COL22A1: variants seen among roughly 807,000 people sequenced by gnomAD.
COL22A1 encodes the protein collagen type XXII alpha 1 chain.
A neutral mutation model predicts 248.9 loss-of-function variants in COL22A1; 221 were observed. The observed-to-expected ratio is 0.89, with a 90% CI of 0.80 to 0.99. The LOEUF (loss-of-function observed/expected upper bound fraction) is 0.99, where lower values mean the gene tolerates loss of function less well. Among genes scored for constraint, COL22A1 ranks in the 50% least tolerant of loss-of-function variants. The pLI is 0.00. For missense variants in COL22A1, 2,240 were observed against 2,179.0 expected (o/e 1.03, Z -0.56); for synonymous variants, 891 against 793.4 (o/e 1.12, Z -2.07).
At chr8:138,858,299 G>A (rs1822193321) in intron 3 of COL22A1, among the ~76,000 whole-genome samples, 1 of 152,158 alleles carries the variant, frequency 6.6e-6, no homozygotes, top group Non-Finnish European at 1.5e-5. Context: ...GTTCAATATG[G>A]AGGACTTCCA....
At chr8:138,770,658 G>A (rs1834285130) in intron 16 of COL22A1, among the ~76,000 whole-genome samples, 1 of 152,226 alleles carries the variant, frequency 6.6e-6, no homozygotes, top group African/African-American at 2.4e-5. Flanking sequence ...AAATCAGAGA[G>A]GTTCCTGAGA....
intron 3 of COL22A1, among the ~76,000 whole-genome samples, chr8:138,845,883 A>G (rs1044518494): frequency 6.6e-6 from 1 of 152,154 alleles, no homozygotes; most frequent in South Asian, 2.1e-4. Flanking sequence ...CCATGAAGCA[A>G]TTTGGTTATC....
At chr8:138,601,996 C>T (rs927812298) in intron 60 of COL22A1, 119 bp downstream of exon 60, 18 of 984,388 alleles carry the variant, frequency 1.8e-5, no homozygotes, top group South Asian at 5.6e-5. Flanking sequence ...TCACTACAGG[C>T]GGCATGATCC....
chr8:138,606,154 T>C (rs1818401267), intron 58 of COL22A1, among the ~76,000 whole-genome samples: 1 of 152,206 alleles, frequency 6.6e-6, no homozygotes, highest in African/African-American at 2.4e-5. Flanking sequence ...TATGACACTT[T>C]CCTAAGATCT....
At chr8:138,616,333 G>A (rs543844008) in intron 54 of COL22A1, among the ~76,000 whole-genome samples, 2 of 152,314 alleles carry the variant, frequency 1.3e-5, no homozygotes, top group African/African-American at 4.8e-5. Context: ...ATCTACTCTT[G>A]GAATGCTGCC....
In COL22A1 at chr8:138,608,153, A is replaced by G. The variant is rs117101020; in HGVS notation, c.3979-164T>C. 7.6e-3 allele frequency among the ~76,000 whole-genome samples: 1,158 copies of G among 152,368 alleles called. 4 individuals carry two copies. Among genetic ancestry groups the G allele is most frequent in the Non-Finnish European group, 0.011 (756 of 68,034 alleles). ...TTCATTACTCAGAGGATGTTTCTCA[A>G]CTTCTAAAAGGAACTTGTAATATTT... is the stretch of plus-strand genomic sequence containing the variant. On this transcript the variant is annotated intron_variant, in intron 56 of 64. Coordinates refer to ENST00000303045, the MANE Select transcript of COL22A1 (RefSeq NM_152888.3).
chr8:138,596,639 A>T (rs528598962), intron 62 of COL22A1, among the ~76,000 whole-genome samples: 1 of 152,330 alleles, frequency 6.6e-6, no homozygotes, highest in African/African-American at 2.4e-5. Flanking sequence ...TAAATGATTG[A>T]TCATAGCAGA....
intron 7 of COL22A1, among the ~76,000 whole-genome samples, 180 bp from the exon 8 acceptor site, chr8:138,813,199 C>T (rs1818386392): frequency 6.6e-6 from 1 of 152,150 alleles, no homozygotes; most frequent in East Asian, 1.9e-4. Flanking sequence ...AGGAGCTAAG[C>T]ATCATCTGCT....
chr8:138,710,606 T>TATAGATAG (rs150247137), intron 30 of COL22A1, among the ~76,000 whole-genome samples: 37 of 147,842 alleles, frequency 2.5e-4, no homozygotes, highest in African/African-American at 7.3e-4. Flanking sequence ...TATCTATCTA[T>TATAGATAG]CTATATATAT....
At chr8:138,667,148 C>T (rs1021411198) in intron 41 of COL22A1, among the ~76,000 whole-genome samples, 1 of 152,206 alleles carries the variant, frequency 6.6e-6, no homozygotes, top group South Asian at 2.1e-4. Context: ...ATTCCTATAT[C>T]TGAAGCTCAA....
rs760291664 is a variant in COL22A1 at position 138,878,009 on chromosome 8, G to A, written c.399C>T (p.Ala133=). The A allele has an allele frequency of 1.1e-5, 17 of 1,584,686 alleles. No individual in the cohort carries two copies. Among genetic ancestry groups the A allele is most frequent in the African/African-American group, 5.4e-5 (4 of 74,390 alleles). The part of the protein sequence containing the change: ...YITARSFSPH[A]GGRPRDRAYK... ...AGGCGCGGTCCCTGGGGCGGCCGCC[G>A]GCGTGTGGGGAGAAGCTGCGGGCCG... The change falls in exon 3 of 65, where the codon GCC becomes GCT. Residue 133 remains alanine, a synonymous_variant. Coordinates refer to ENST00000303045, the MANE Select transcript of COL22A1 (RefSeq NM_152888.3).
rs773749055 is a variant in COL22A1, at chr8:138,762,468, T to G, written c.1804-2A>C. On this transcript the variant is annotated splice_acceptor_variant, in intron 16 of 64. Coordinates refer to ENST00000303045, the MANE Select transcript of COL22A1 (RefSeq NM_152888.3). LOFTEE classifies it high-confidence loss of function. Reference sequence around the variant, plus strand: ...GAATCCATCCAGGCCTCGCTCTCCCTGGCAAAAGAAGGCAAATGGTGAAAT... The same window carrying G: ...GAATCCATCCAGGCCTCGCTCTCCCGGGCAAAAGAAGGCAAATGGTGAAAT... 4.6e-5 allele frequency: 74 copies of G among 1,613,984 alleles called. No individual in the cohort carries two copies. The highest frequency in any genetic ancestry group is 5.6e-5 in the Non-Finnish European group (66 of 1,179,990).
At chr8:138,884,579 G>A (rs1586962603) in intron 1 of COL22A1, among the ~76,000 whole-genome samples, 4 of 152,154 alleles carry the variant, frequency 2.6e-5, no homozygotes, top group African/African-American at 7.2e-5. Context: ...TACGTCGGGA[G>A]CAAACTCATT....
At chr8:138,596,773 C>T in intron 62 of COL22A1, 131 bp downstream of exon 62, 1 of 785,234 alleles carries the variant, frequency 1.3e-6, no homozygotes, top group South Asian at 1.6e-5. Flanking sequence ...TTCCCCAACC[C>T]TGATAGTCTA....
At chr8:138,683,577 C>T (rs979722166) in intron 39 of COL22A1, among the ~76,000 whole-genome samples, 1 of 152,148 alleles carries the variant, frequency 6.6e-6, no homozygotes, top group Non-Finnish European at 1.5e-5. Flanking sequence ...ATCTCCAGGC[C>T]TGGCCCATAA....
Position 138,748,117 on chromosome 8 carries a change from G to C in COL22A1, c.2085+3341C>G, listed in dbSNP as rs190430930. On this transcript the variant is annotated intron_variant, in intron 22 of 64. Coordinates refer to ENST00000303045, the MANE Select transcript of COL22A1 (RefSeq NM_152888.3). ...TTCAATGCTCCCATTGACTCCCATGGAAAACTCACTCACTCCTGCAAGGCC... is the reference window on the plus strand; with the variant it reads ...TTCAATGCTCCCATTGACTCCCATGCAAAACTCACTCACTCCTGCAAGGCC... Among the ~76,000 whole-genome samples, 8 of 152,192 alleles carry C rather than the reference G, an allele frequency of 5.3e-5. No individual in the cohort carries two copies. In the East Asian group the frequency reaches 1.6e-3, roughly 30 times the overall value.
intron 49 of COL22A1, among the ~76,000 whole-genome samples, chr8:138,633,193 C>T (rs1022306472): frequency 6.6e-6 from 1 of 152,214 alleles, no homozygotes; most frequent in Admixed American, 6.5e-5. Flanking sequence ...GGCTGCTGAA[C>T]CTAAACAGGC....
At chr8:138,639,516 C>A (rs1488940067) in intron 47 of COL22A1, among the ~76,000 whole-genome samples, 1 of 152,172 alleles carries the variant, frequency 6.6e-6, no homozygotes, top group Non-Finnish European at 1.5e-5. Flanking sequence ...ATATTTAGTC[C>A]TCTTCAGAAG....
chr8:138,810,036 A>G (rs1818073029), intron 9 of COL22A1, among the ~76,000 whole-genome samples: 1 of 152,252 alleles, frequency 6.6e-6, no homozygotes, highest in Non-Finnish European at 1.5e-5. Flanking sequence ...TATAACAAAT[A>G]GAAGTACAGG....
Sources: gnomAD v4.1 joint callset for allele counts (sites outside exome capture counted in the v4.1 genomes callset) on GRCh38, gnomAD v4.1.1 for gene constraint, MANE v1.5 for transcripts, NCBI Gene and HGNC (gene_info 2026-07-23, HGNC 2026-07-21) for gene names.